POLR2F: variants seen among roughly 807,000 people sequenced by gnomAD.
The protein encoded by POLR2F is DNA-directed RNA polymerases I, II, and III subunit RPABC2.
POLR2F carries 12 observed loss-of-function variants against 22.7 expected under a neutral mutation model. That is an observed-to-expected ratio of 0.53 (90% CI 0.34 to 0.86). POLR2F has a LOEUF of 0.86. POLR2F is among the 40% of genes least tolerant of loss of function. The pLI is 0.02. For synonymous variants in POLR2F, 57 were observed against 66.0 expected, an observed-to-expected ratio of 0.86 and a Z score of 0.66; for missense variants, 126 against 171.5, an observed-to-expected ratio of 0.73 and a Z score of 1.48.
At chr22:37,970,925 C>A, downstream of POLR2F, 1 of 263,204 alleles carries the variant, frequency 3.8e-6, no homozygotes. Flanking sequence ...TCTAAAAGAT[C>A]GGGGTTTCGG....
chr22:37,979,902 C>T (rs1932343053), intron 4 of POLR2F, among the ~76,000 whole-genome samples: 1 of 152,072 alleles, frequency 6.6e-6, no homozygotes, highest in African/African-American at 2.4e-5. Flanking sequence ...TTCAGCTGCC[C>T]CACCCCTCAC....
chr22:38,020,071 G>A (rs114113100), intron 1 of POLR2F, among the ~76,000 whole-genome samples: 2,347 of 151,736 alleles, frequency 0.015, 62 homozygotes, highest in African/African-American at 0.055. Context: ...CAGGTGGGCC[G>A]GCCGTGGTGG....
chr22:37,973,752 A>G, downstream of POLR2F: 1 of 1,598,354 alleles, frequency 6.3e-7, no homozygotes, highest in East Asian at 2.2e-5. Flanking sequence ...AGGCTGAGGG[A>G]GGTGTAGGCG....
At chr22:37,973,481 C>A (rs780196138), downstream of POLR2F, 1 of 1,530,962 alleles carries the variant, frequency 6.5e-7, no homozygotes, top group Admixed American at 1.9e-5. Flanking sequence ...GGGGTGGTGG[C>A]GACAGGGCCC....
intron 4 of POLR2F, chr22:37,977,728 TG>T: frequency 5.4e-6 from 5 of 930,120 alleles, no homozygotes; most frequent in African/African-American, 1.6e-5. Flanking sequence ...GAGCTCCCTC[TG>T]GGCCCCTGCA....
Position 37,968,048 on chromosome 22 carries a change from G to A in POLR2F, c.*333G>A. ...GCAGACAGACAAGTCTTTGTGCCCA[G>A]GGAGCTGGTTGCCACGGAAACCCCC... On this transcript the variant is annotated 3_prime_UTR_variant, in exon 5 of 5. Transcript: ENST00000442738. 1 of 1,020,494 alleles carries A rather than the reference G, an allele frequency of 9.8e-7. No individual in the cohort carries two copies. The highest frequency in any genetic ancestry group is 4.1e-5 in the South Asian group (1 of 24,346). 63.2% of individuals were successfully genotyped at this position (1,020,494 alleles called of 1,614,324 possible). A position where few individuals can be genotyped will look rare whatever the true frequency, so the allele number is the denominator to read the frequency against.
intron 5 of POLR2F, among the ~76,000 whole-genome samples, chr22:38,035,124 G>C (rs2085102678): frequency 6.6e-6 from 1 of 152,008 alleles, no homozygotes. Flanking sequence ...CTCTGCCATA[G>C]CCATCTCTCT....
At chr22:37,974,154 C>T, downstream of POLR2F, 1 of 1,608,390 alleles carries the variant, frequency 6.2e-7, no homozygotes, top group Non-Finnish European at 8.5e-7. This position sits in a 1 kb window ranked among gnomAD's most constrained non-coding sequence, Gnocchi z 5.4. Flanking sequence ...GACTGCAGCT[C>T]TGTCTTCGGG....
At chr22:38,028,480 CTGTGTGTGCGTGTG>C (rs768403216), downstream of POLR2F, among the ~76,000 whole-genome samples, 43 of 151,994 alleles carry the variant, frequency 2.8e-4, 1 homozygote, top group South Asian at 5.8e-3. Context: ...GCGCATGCAT[CTGTGTGTGCGTGTG>C]TGTGTGTGCG....
chr22:38,002,083 C>T (rs1418810380), intron 1 of POLR2F, among the ~76,000 whole-genome samples: 3 of 151,816 alleles, frequency 2.0e-5, no homozygotes, highest in Non-Finnish European at 2.9e-5. Flanking sequence ...CTCCTGACCT[C>T]GGGTGATCCA....
rs2084724375 is a variant in POLR2F at position 37,997,292 on chromosome 22, T to C, written c.120+10980T>C. Among the ~76,000 whole-genome samples, 1 of 152,052 alleles carries C rather than the reference T, an allele frequency of 6.6e-6. No homozygotes were observed. The highest frequency in any genetic ancestry group is 2.1e-4 in the South Asian group (1 of 4,822). Reference sequence around the variant, plus strand: ...TCTTTCTCTGTCCATTGCTCCCTCCTTCTCCTCTTTCTGTCCCCAGCCTCC... The same window carrying C: ...TCTTTCTCTGTCCATTGCTCCCTCCCTCTCCTCTTTCTGTCCCCAGCCTCC... On this transcript the variant is annotated intron_variant, in intron 1 of 2. Transcript: ENST00000333418. This position sits in a 1 kb window ranked among gnomAD's most constrained non-coding sequence, Gnocchi z 4.4.
At chr22:37,983,595 C>T (rs1371901048), upstream of POLR2F, 2 of 1,608,846 alleles carry the variant, frequency 1.2e-6, no homozygotes, top group East Asian at 2.2e-5. This position sits in a 1 kb window ranked among gnomAD's most constrained non-coding sequence, Gnocchi z 9.5. Context: ...TTGTCATCGT[C>T]CGCCTCGCCG....
intron 3 of POLR2F, 30 bp downstream of exon 3, chr22:37,959,506 CATCT>C (rs764671417): frequency 3.1e-6 from 5 of 1,610,154 alleles, no homozygotes; most frequent in Non-Finnish European, 4.2e-6. Context: ...CTGTCTTCTC[CATCT>C]GTCAGGCCAC....
At chr22:38,036,568 G>A (rs984858646) in intron 5 of POLR2F, among the ~76,000 whole-genome samples, 2 of 150,250 alleles carry the variant, frequency 1.3e-5, no homozygotes, top group Non-Finnish European at 3.0e-5. Flanking sequence ...AGAATGATTT[G>A]GATCTCATTT....
Position 37,978,851 on chromosome 22 carries a change from A to T in POLR2F, c.293+11681A>T, listed in dbSNP as rs1932305909. 6.6e-6 allele frequency among the ~76,000 whole-genome samples: 1 copy of T among 151,982 alleles called. No homozygotes were observed. Among genetic ancestry groups the T allele is most frequent in the Admixed American group, 6.6e-5 (1 of 15,262 alleles). On this transcript the variant is annotated intron_variant, in intron 4 of 4. Transcript: ENST00000405557. The surrounding 1 kb of genome is among the most constrained non-coding windows in gnomAD (Gnocchi z 5.0). ...GAGCTCAGTGGTATGATCTCAGCTC[A>T]CTGCAACCTCTGCCTCCCAGGTTCA...
At chr22:38,011,418 C>T (rs1014675737) in intron 1 of POLR2F, among the ~76,000 whole-genome samples, 7 of 151,094 alleles carry the variant, frequency 4.6e-5, no homozygotes, top group Admixed American at 2.6e-4. Context: ...TGATCTGTTT[C>T]GAATTAATTT....
chr22:37,974,227 G>A, downstream of POLR2F: 2 of 1,556,934 alleles, frequency 1.3e-6, no homozygotes, highest in Non-Finnish European at 1.7e-6. This position sits in a 1 kb window ranked among gnomAD's most constrained non-coding sequence, Gnocchi z 5.4. Flanking sequence ...GAGAGAGAGA[G>A]CGCAAGGGGG....
downstream of POLR2F, chr22:37,969,391 T>A: frequency 1.1e-6 from 1 of 893,324 alleles, no homozygotes; most frequent in Non-Finnish European, 1.3e-6. Context: ...TTTTAACAAG[T>A]GGAGCTCCTG....
chr22:38,034,632 A>G (rs538971161), intron 5 of POLR2F, among the ~76,000 whole-genome samples: 5 of 152,140 alleles, frequency 3.3e-5, no homozygotes, highest in Non-Finnish European at 7.4e-5. Context: ...CTGAGCCTCA[A>G]TGTCCCCCTC....
Sources: gnomAD v4.1 joint callset for allele counts (sites outside exome capture counted in the v4.1 genomes callset) on GRCh38, gnomAD v4.1.1 for gene constraint, Gnocchi (gnomAD v3.1) non-coding constraint, MANE v1.5 for transcripts, NCBI Gene and HGNC (gene_info 2026-07-23, HGNC 2026-07-21) for gene names.